NSMCE2: variants seen among roughly 807,000 people sequenced by gnomAD.
NSMCE2 encodes the protein E3 SUMO-protein ligase NSE2.
In NSMCE2, 24 loss-of-function variants were observed where a neutral mutation model predicts 23.8. The ratio of observed to expected loss-of-function variants is 1.01; its 90% CI spans 0.73 to 1.42. The LOEUF is 1.42. NSMCE2 is among the 40% of genes most tolerant of loss of function. The pLI is 0.00. For synonymous variants in NSMCE2, 92 were observed against 94.1 expected (o/e 0.98, Z 0.13); for missense variants, 284 against 296.5 (o/e 0.96, Z 0.31).
At chr8:125,118,380 A>AAAAC (rs935083457) in intron 3 of NSMCE2, among the ~76,000 whole-genome samples, 4 of 150,618 alleles carry the variant, frequency 2.7e-5, no homozygotes, top group African/African-American at 5.0e-5. Flanking sequence ...GACTGTCTTA[A>AAAAC]AAACAAACAA....
At chr8:125,276,687 G>A (rs1202539047) in intron 5 of NSMCE2, among the ~76,000 whole-genome samples, 1 of 152,160 alleles carries the variant, frequency 6.6e-6, no homozygotes, top group Non-Finnish European at 1.5e-5. Flanking sequence ...GGTGGATTTG[G>A]CACAGGTATT....
intron 5 of NSMCE2, among the ~76,000 whole-genome samples, chr8:125,218,230 A>G (rs528408744): frequency 6.6e-6 from 1 of 152,264 alleles, no homozygotes; most frequent in Non-Finnish European, 1.5e-5. Flanking sequence ...CAAAATACTA[A>G]CCACCATGTC....
At chr8:125,109,401 A>C (rs1818622638) in intron 3 of NSMCE2, among the ~76,000 whole-genome samples, 1 of 152,192 alleles carries the variant, frequency 6.6e-6, no homozygotes. Context: ...TGTGTTGGAC[A>C]ACAGAGAATG....
At chr8:125,262,320 G>A (rs1239755626) in intron 5 of NSMCE2, among the ~76,000 whole-genome samples, 1 of 151,894 alleles carries the variant, frequency 6.6e-6, no homozygotes. Flanking sequence ...AGCTACTTGG[G>A]AGACTGAGGC....
chr8:125,280,982 C>T (rs1827667837), intron 5 of NSMCE2, among the ~76,000 whole-genome samples: 1 of 152,212 alleles, frequency 6.6e-6, no homozygotes, highest in African/African-American at 2.4e-5. Context: ...GCTGCACAGA[C>T]CACAGAGGTT....
chr8:125,275,175 C>T (rs1463427474), intron 5 of NSMCE2, among the ~76,000 whole-genome samples: 2 of 151,914 alleles, frequency 1.3e-5, no homozygotes, highest in African/African-American at 2.4e-5. Flanking sequence ...CCTTCCATAT[C>T]CTTTTCCTGT....
At chr8:125,217,124 T>C (rs1348977493) in intron 5 of NSMCE2, among the ~76,000 whole-genome samples, 1 of 152,208 alleles carries the variant, frequency 6.6e-6, no homozygotes, top group Non-Finnish European at 1.5e-5. Context: ...TAGACTATTT[T>C]AGGAGTTTCC....
intron 5 of NSMCE2, among the ~76,000 whole-genome samples, chr8:125,320,002 G>A (rs1312873749): frequency 6.6e-6 from 1 of 151,682 alleles, no homozygotes; most frequent in Non-Finnish European, 1.5e-5. Flanking sequence ...ATGGTGAAAC[G>A]CCATCTCTAC....
At chr8:125,146,932 T>C (rs935383158) in intron 3 of NSMCE2, among the ~76,000 whole-genome samples, 2 of 152,196 alleles carry the variant, frequency 1.3e-5, no homozygotes, top group Non-Finnish European at 2.9e-5. Flanking sequence ...TACCTAACTC[T>C]TATGTTGCCC....
intron 5 of NSMCE2, among the ~76,000 whole-genome samples, chr8:125,197,337 C>T (rs1361523922): frequency 6.6e-6 from 1 of 152,142 alleles, no homozygotes; most frequent in Non-Finnish European, 1.5e-5. Context: ...TTAGGTCTAA[C>T]ATTTAAGTCT....
intron 7 of NSMCE2, among the ~76,000 whole-genome samples, chr8:125,364,994 T>C (rs1049883870): frequency 2.0e-4 from 30 of 152,122 alleles, no homozygotes; most frequent in Admixed American, 1.2e-3. Flanking sequence ...TGAGAAGAAA[T>C]AGGTGGTTTC....
At chr8:125,201,796 A>C (rs149776538) in intron 5 of NSMCE2, among the ~76,000 whole-genome samples, 1 of 152,360 alleles carries the variant, frequency 6.6e-6, no homozygotes, top group Non-Finnish European at 1.5e-5. Context: ...CCCTGTCCAC[A>C]GAGGTGGAGT....
At chr8:125,194,577 A>T (rs1416760286) in intron 5 of NSMCE2, among the ~76,000 whole-genome samples, 1 of 152,170 alleles carries the variant, frequency 6.6e-6, no homozygotes, top group Non-Finnish European at 1.5e-5. Flanking sequence ...GTTTTATGTG[A>T]ATATGTCTTA....
chr8:125,327,982 A>G (rs1415000976), intron 5 of NSMCE2, among the ~76,000 whole-genome samples: 1 of 152,210 alleles, frequency 6.6e-6, no homozygotes, highest in African/African-American at 2.4e-5. Flanking sequence ...AGATTGCCAT[A>G]TTCAAGAACT....
chr8:125,169,988 T>C (rs1440868883), intron 4 of NSMCE2, among the ~76,000 whole-genome samples: 2 of 152,060 alleles, frequency 1.3e-5, no homozygotes, highest in Non-Finnish European at 2.9e-5. Context: ...TGAGGCTAGC[T>C]CCTTTCTTAC....
chr8:125,166,960 T>C (rs1821916130), intron 4 of NSMCE2, among the ~76,000 whole-genome samples: 1 of 152,162 alleles, frequency 6.6e-6, no homozygotes, highest in African/African-American at 2.4e-5. Flanking sequence ...CAGGGAGTTA[T>C]AAAGGTGCCA....
intron 3 of NSMCE2, among the ~76,000 whole-genome samples, chr8:125,145,585 T>C (rs1043056396): frequency 2.6e-5 from 4 of 152,130 alleles, no homozygotes; most frequent in Admixed American, 6.6e-5. Flanking sequence ...CTGTAATAAA[T>C]AAACGCTCAC....
intron 4 of NSMCE2, among the ~76,000 whole-genome samples, chr8:125,167,446 C>A (rs1201627973): frequency 6.6e-6 from 1 of 152,056 alleles, no homozygotes; most frequent in Non-Finnish European, 1.5e-5. Flanking sequence ...GCGGGCGGAT[C>A]ATGAGGTCAG....
intron 5 of NSMCE2, among the ~76,000 whole-genome samples, chr8:125,265,870 T>C (rs984879646): frequency 4.6e-5 from 7 of 152,204 alleles, no homozygotes; most frequent in Middle Eastern, 3.2e-3. Context: ...ATGACTTTCA[T>C]GGTTCCTTTT....
Sources: gnomAD v4.1 joint callset for allele counts (sites outside exome capture counted in the v4.1 genomes callset) on GRCh38, gnomAD v4.1.1 for gene constraint, MANE v1.5 for transcripts, NCBI Gene and HGNC (gene_info 2026-07-23, HGNC 2026-07-21) for gene names.